MUC5B: variants seen among roughly 807,000 people sequenced by gnomAD.
The protein encoded by MUC5B is mucin-5B.
A neutral mutation model predicts 376.9 loss-of-function variants in MUC5B; 116 were observed. The observed-to-expected ratio is 0.31, with a 90% CI of 0.26 to 0.36. The LOEUF is 0.36. MUC5B is among the 10% of genes least tolerant of loss of function. The pLI, the probability that MUC5B is intolerant of heterozygous loss-of-function variation, is 1.00. For synonymous variants in MUC5B, 3,517 were observed against 3,390.9 expected, an observed-to-expected ratio of 1.04 and a Z score of -1.29; for missense variants, 7,165 against 7,769.9, an observed-to-expected ratio of 0.92 and a Z score of 2.93.
At chr11:1,225,904 C>T (rs139756547) in intron 2 of MUC5B, among the ~76,000 whole-genome samples, 167 bp downstream of exon 2, 3 of 152,336 alleles carry the variant, frequency 2.0e-5, no homozygotes, top group East Asian at 1.9e-4. Flanking sequence ...GCTTGGTGCT[C>T]CAAAGAAGAG....
chr11:1,232,572 C>T, intron 16 of MUC5B, 28 bp downstream of exon 16: 1 of 1,605,390 alleles, frequency 6.2e-7, no homozygotes, highest in Non-Finnish European at 8.5e-7. Flanking sequence ...GACCCCCACG[C>T]CTGGGCAGGA....
intron 32 of MUC5B, 110 bp downstream of exon 32, chr11:1,252,634 A>C (rs1158878420): frequency 7.3e-7 from 1 of 1,373,046 alleles, no homozygotes; most frequent in Middle Eastern, 2.6e-4. Context: ...CCCCGCCGCC[A>C]GTATCTCCAG....
rs1399313354 is a variant in MUC5B at position 1,254,163 on chromosome 11, T to C, written c.15289T>C (p.Cys5097Arg). The change falls in exon 34 of 49, where the codon TGC becomes CGC. Residue 5097 changes from cysteine (C) to arginine (R), a missense_variant. This residue lies in a region of MUC5B where 842 missense variants were observed against 1,016.9 expected (regional missense o/e 0.83). Transcript: ENST00000529681. Reference protein sequence around the residue: ...DGTSYTFRGNCTYVLMREIHA... With the variant: ...DGTSYTFRGNRTYVLMREIHA... ...CACCTCTTACACCTTCCGGGGCAAC[T>C]GCACCTATGTCCTCATGAGAGAGAT... 6.2e-7 allele frequency: 1 copy of C among 1,612,854 alleles called. No homozygotes were observed. Among genetic ancestry groups the C allele is most frequent in the Non-Finnish European group, 8.5e-7 (1 of 1,179,854 alleles).
chr11:1,230,249 C>T, intron 11 of MUC5B, 106 bp downstream of exon 11: 1 of 1,435,404 alleles, frequency 7.0e-7, no homozygotes, highest in Non-Finnish European at 9.3e-7. Context: ...GGTGGATGTC[C>T]CTGCTGAGGG....
At position 1,249,185 on chromosome 11, in the gene MUC5B, C is replaced by G. The variant is rs370144227; in HGVS notation, c.12305C>G (p.Pro4102Arg). ...TCCAGGACCACGGCCACGGCCACAC[C>G]CAGCAAGACCCGCACCTCGACCCTG... ...ATSRTTATAT[P>R]SKTRTSTLLP... Residue 4102 changes from proline to arginine, a missense_variant, in exon 31 of 49, where the codon CCC becomes CGC. Around this residue, in one of 31 missense-constraint regions of MUC5B, gnomAD observed 85 missense variants for 78.2 expected, o/e 1.09. Transcript: ENST00000529681. The G allele has an allele frequency of 8.7e-6, 14 of 1,611,546 alleles. No individual in the cohort carries two copies. In the African/African-American group the frequency reaches 1.7e-4, roughly 20 times the overall value.
In MUC5B at chr11:1,226,747, A is replaced by G; in HGVS notation, c.332A>G (p.Tyr111Cys). 3 of 1,612,764 alleles carry G rather than the reference A, an allele frequency of 1.9e-6. No individual in the cohort carries two copies. Among genetic ancestry groups the G allele is most frequent in the Non-Finnish European group, 2.5e-6 (3 of 1,179,830 alleles). The change falls in exon 4 of 49, where the codon TAC becomes TGC. Residue 111 changes from tyrosine to cysteine, a missense_variant. Physicochemically the swap from Tyr to Cys is radical, Grantham distance 194. Transcript: ENST00000529681. ...YVFSEHCRAA[Y>C]EDFNVQLRRG... ...TTCTCTGAGCACTGCCGCGCCGCCT[A>G]CGAGGACTTCAACGTCCAGCTACGC... is the stretch of plus-strand genomic sequence containing the variant.
Position 1,257,466 on chromosome 11 carries a change from C to G in MUC5B, c.16270-64C>G. 6.4e-7 allele frequency: 1 copy of G among 1,572,310 alleles called. No individual in the cohort carries two copies. On this transcript the variant is annotated intron_variant, in intron 40 of 48. Coordinates refer to ENST00000529681, the MANE Select transcript of MUC5B (RefSeq NM_002458.3). The surrounding 1 kb of genome is among the most constrained non-coding windows in gnomAD (Gnocchi z 8.9). ...CAGCCCGAGGGAGGGGGTGGCTGGACAGATGCCCAGGGTTGACCTGTGTCT... is the reference window on the plus strand; with the variant it reads ...CAGCCCGAGGGAGGGGGTGGCTGGAGAGATGCCCAGGGTTGACCTGTGTCT...
In MUC5B at chr11:1,251,324, C is replaced by G; in HGVS notation, c.14444C>G (p.Thr4815Arg). The G allele has an allele frequency of 1.2e-6, 2 of 1,610,922 alleles. No individual in the cohort carries two copies. The highest frequency in any genetic ancestry group is 2.2e-5 in the South Asian group (2 of 90,992). ...GCCACACCCTCCTCCACTCTGGGGA[C>G]GACCCGGATCCTCACTGAGCTGACC... is the stretch of plus-strand genomic sequence containing the variant. Reference protein sequence around the residue: ...STATPSSTLGTTRILTELTTT... With the variant: ...STATPSSTLGRTRILTELTTT... Residue 4815 changes from threonine (T) to arginine (R), a missense_variant, in exon 31 of 49, where the codon ACG becomes AGG. Thr to Arg is a moderately conservative substitution (Grantham distance 71). Transcript: ENST00000529681.
chr11:1,236,425 G>A lies in MUC5B; in HGVS notation c.2920G>A (p.Val974Met), dbSNP rs1431732013. 9 of 1,612,450 alleles carry A rather than the reference G, an allele frequency of 5.6e-6. No individual in the cohort carries two copies. The highest frequency in any genetic ancestry group is 1.7e-4 in the Middle Eastern group (1 of 6,060). ...CCTCCAAGAGGGGACCTTTAAGGCG[G>A]TGGCGAGAGGGCCGGGTGGGGACCC... is the stretch of plus-strand genomic sequence containing the variant. ...LILQEGTFKA[V>M]ARGPGGDPPY... Residue 974 changes from valine to methionine, a missense_variant, in exon 24 of 49, where the codon GTG (valine) becomes ATG (methionine). Transcript: ENST00000529681.
chr11:1,246,324 T>G lies in MUC5B; in HGVS notation c.9444T>G (p.Thr3148=), dbSNP rs754020237. The G allele has an allele frequency of 6.2e-7, 1 of 1,600,610 alleles. No individual in the cohort carries two copies. Residue 3148 remains threonine, a synonymous_variant, in exon 31 of 49, where the codon ACT becomes ACG. Transcript: ENST00000529681. ...CAGCAGCCACTACAACTGCAGCCAC[T>G]GGCCCCACGGCCACCCCGTCCTCCA... ...LTTAATTTAA[T]GPTATPSSTP... is the part of the protein sequence containing the mutation.
In MUC5B at chr11:1,250,245, T is replaced by C; in HGVS notation, c.13365T>C (p.Thr4455=). ...GTTWILTEPS[T]TATVTVPTGS... is the part of the protein sequence containing the mutation. ...CCTGGATCCTCACAGAGCCGAGCAC[T>C]ACAGCCACCGTGACGGTGCCCACCG... The change falls in exon 31 of 49, where the codon ACT becomes ACC. Residue 4455 remains threonine (T), a synonymous_variant. Transcript: ENST00000529681. 2 of 1,607,918 alleles carry C rather than the reference T, an allele frequency of 1.2e-6. No homozygotes were observed. Among genetic ancestry groups the C allele is most frequent in the Non-Finnish European group, 8.5e-7 (1 of 1,177,976 alleles).
intron 48 of MUC5B, among the ~76,000 whole-genome samples, chr11:1,260,990 C>T (rs538468668): frequency 2.0e-5 from 3 of 152,354 alleles, no homozygotes; most frequent in South Asian, 2.1e-4. Flanking sequence ...CCAGGTGTCC[C>T]CCTGGGGAGG....
In MUC5B at chr11:1,230,517, C is replaced by T. The variant is rs1159581867; in HGVS notation, c.1387C>T (p.Leu463=). 6.2e-7 allele frequency: 1 copy of T among 1,610,560 alleles called. No homozygotes were observed. The highest frequency in any genetic ancestry group is 2.2e-5 in the East Asian group (1 of 44,816). Residue 463 remains leucine (L), a synonymous_variant, in exon 12 of 49, where the codon CTG becomes TTG. Coordinates refer to ENST00000529681, the MANE Select transcript of MUC5B (RefSeq NM_002458.3). The part of the protein sequence containing the change: ...KKCADSSFTV[L]AELRKCGLTD... The stretch of plus-strand genomic sequence containing the variant: ...ATGTGCCGACAGCAGCTTCACCGTG[C>T]TGGCTGAGCTGCGGAAGTGCGGCCT...
intron 23 of MUC5B, 185 bp downstream of exon 23, chr11:1,235,598 C>T (rs1053112875): frequency 1.5e-5 from 9 of 612,698 alleles, no homozygotes; most frequent in South Asian, 1.1e-4. Context: ...GTCCTGGAGC[C>T]GGAAGTCAGA....
At chr11:1,238,817 C>T (rs1209581829) in intron 25 of MUC5B, 54 bp from the exon 26 acceptor site, 4 of 1,528,992 alleles carry the variant, frequency 2.6e-6, no homozygotes, top group African/African-American at 1.4e-5. Flanking sequence ...CCAGCCACCC[C>T]CTGGCCGGGG....
chr11:1,247,759 C>G lies in MUC5B; in HGVS notation c.10879C>G (p.Leu3627Val). ...CRAQAQPGVP[L>V]RELGQVVECS... ...TGCCCAGGCCCAGCCTGGTGTCCCC[C>G]TGCGGGAGTTGGGCCAGGTCGTGGA... is the stretch of plus-strand genomic sequence containing the variant. Residue 3627 changes from leucine (L) to valine (V), a missense_variant, in exon 31 of 49, where the codon CTG becomes GTG. Physicochemically the swap from Leu to Val is conservative, Grantham distance 32. Around this residue, in one of 31 missense-constraint regions of MUC5B, gnomAD observed 81 missense variants for 154.5 expected, o/e 0.52. Transcript: ENST00000529681. 6.2e-7 allele frequency: 1 copy of G among 1,607,468 alleles called. No homozygotes were observed. The highest frequency in any genetic ancestry group is 8.5e-7 in the Non-Finnish European group (1 of 1,177,788).
intron 11 of MUC5B, 31 bp downstream of exon 11, chr11:1,230,174 C>T: frequency 6.4e-7 from 1 of 1,563,376 alleles, no homozygotes; most frequent in Non-Finnish European, 8.7e-7. Context: ...CTTCAGACAC[C>T]CAGACCCTCC....
rs757309936 is a variant in MUC5B, at chr11:1,249,632, C to T, written c.12752C>T (p.Thr4251Ile). Reference protein sequence around the residue: ...SSTPGTTWILTELTTTATTTA... With the variant: ...SSTPGTTWILIELTTTATTTA... ...ACTCCGGGGACGACCTGGATCCTCA[C>T]AGAGCTGACCACAACAGCCACTACG... Residue 4251 changes from threonine to isoleucine, a missense_variant, in exon 31 of 49, where the codon ACA (threonine) becomes ATA (isoleucine). Transcript: ENST00000529681. 78 of 1,611,860 alleles carry T rather than the reference C, an allele frequency of 4.8e-5. No homozygotes were observed. In the South Asian group the frequency reaches 7.4e-4, roughly 15 times the overall value.
intron 30 of MUC5B, 120 bp from the exon 31 acceptor site, chr11:1,240,731 C>T (rs1391093706): frequency 1.0e-6 from 1 of 970,004 alleles, no homozygotes; most frequent in African/African-American, 1.6e-5. Flanking sequence ...GCACTGGGGT[C>T]CCCAGTATCC....
Sources: gnomAD v4.1 joint callset for allele counts (sites outside exome capture counted in the v4.1 genomes callset) on GRCh38, gnomAD v4.1.1 for gene constraint, gnomAD v4.1.1 regional missense constraint, Gnocchi (gnomAD v3.1) non-coding constraint, MANE v1.5 for transcripts, NCBI Gene and HGNC (gene_info 2026-07-23, HGNC 2026-07-21) for gene names.